The following KIF26B variants were observed in gnomAD, a reference collection of about 807,000 sequenced individuals.
KIF26B encodes the protein kinesin-like protein KIF26B.
In KIF26B, 63 loss-of-function variants were observed where a neutral mutation model predicts 151.2. The observed-to-expected ratio is 0.42, with a 90% confidence interval of 0.34 to 0.51. The LOEUF is 0.51. Ranked by LOEUF, KIF26B falls within the 20% of genes least tolerant of loss-of-function variation. The pLI is 0.07. For missense variants in KIF26B, 2,813 were observed against 2,913.6 expected (o/e 0.97, Z 0.79); for synonymous variants, 1,357 against 1,262.1 (o/e 1.08, Z -1.59).
chr1:245,501,905 C>T (rs1390155958), intron 4 of KIF26B, among the ~76,000 whole-genome samples: 1 of 152,172 alleles, frequency 6.6e-6, no homozygotes, highest in Non-Finnish European at 1.5e-5. Flanking sequence ...TACTGCACTG[C>T]CGCACATTCA....
intron 4 of KIF26B, among the ~76,000 whole-genome samples, chr1:245,453,284 A>G (rs1258917889): frequency 6.6e-6 from 1 of 152,226 alleles, no homozygotes; most frequent in African/African-American, 2.4e-5. Flanking sequence ...CATTATTAAG[A>G]GCCATACAGA....
intron 4 of KIF26B, among the ~76,000 whole-genome samples, chr1:245,539,603 G>A (rs1366725510): frequency 2.0e-5 from 3 of 152,110 alleles, no homozygotes; most frequent in Non-Finnish European, 2.9e-5. Context: ...GCCTCACACT[G>A]CCCCTTCCCC....
At chr1:245,438,134 C>G (rs1384734513) in intron 4 of KIF26B, among the ~76,000 whole-genome samples, 4 of 152,056 alleles carry the variant, frequency 2.6e-5, no homozygotes, top group Non-Finnish European at 5.9e-5. Context: ...AATAATACAC[C>G]CCAGCTGGTC....
chr1:245,394,211 C>T (rs1479435988), intron 3 of KIF26B, among the ~76,000 whole-genome samples: 4 of 152,170 alleles, frequency 2.6e-5, no homozygotes, highest in African/African-American at 7.2e-5. Flanking sequence ...TCTCTGTCGT[C>T]GTGAGTTTCT....
chr1:245,407,762 C>T (rs1458083345), intron 3 of KIF26B, among the ~76,000 whole-genome samples: 1 of 152,148 alleles, frequency 6.6e-6, no homozygotes. Context: ...TAGATAAATT[C>T]CATATCCAGA....
intron 10 of KIF26B, among the ~76,000 whole-genome samples, chr1:245,666,912 C>T (rs1318466255): frequency 2.0e-5 from 3 of 152,140 alleles, no homozygotes; most frequent in African/African-American, 7.2e-5. Flanking sequence ...TGGCCAGAGT[C>T]TTGGCCTCAA....
At chr1:245,504,671 C>T (rs74636476) in intron 4 of KIF26B, among the ~76,000 whole-genome samples, 30,700 of 151,596 alleles carry the variant, frequency 0.2, 3,238 homozygotes, top group Middle Eastern at 0.37. Flanking sequence ...GAACTCCTTG[C>T]CTCAAGAGTC....
rs1553289156 is a variant in KIF26B, at chr1:245,563,744, T to TTGTTTAGATTTAGATTAGATA, written c.1350+22808_1350+22809insTTAGATATGTTTAGATTTAGA. On this transcript the variant is annotated intron_variant, in intron 5 of 14. Coordinates refer to ENST00000407071, the MANE Select transcript of KIF26B (RefSeq NM_018012.4). This position sits in a 1 kb window ranked among gnomAD's most constrained non-coding sequence, Gnocchi z 4.6. ...TACACCTTTTCTATGTTTAGGTATG[T>TTGTTTAGATTTAGATTAGATA]TGTTTAGATTTAGAATATGTAACGC... is the stretch of plus-strand genomic sequence containing the variant. 3.0e-5 allele frequency among the ~76,000 whole-genome samples: 4 copies of TTGTTTAGATTTAGATTAGATA among 132,404 alleles called. No homozygotes were observed. The highest frequency in any genetic ancestry group is 4.5e-4 in the South Asian group (2 of 4,434). 86.9% of individuals were successfully genotyped at this position (132,404 alleles called of 152,430 possible).
intron 10 of KIF26B, among the ~76,000 whole-genome samples, chr1:245,668,933 C>T (rs193118891): frequency 2.6e-4 from 40 of 152,188 alleles, no homozygotes; most frequent in African/African-American, 4.8e-4. Flanking sequence ...TCAGGTGATC[C>T]GCCTGCCTCA....
At chr1:245,295,170 T>C (rs1293062267) in intron 2 of KIF26B, among the ~76,000 whole-genome samples, 1 of 152,060 alleles carries the variant, frequency 6.6e-6, no homozygotes. Context: ...GGAGAGAAAA[T>C]AACCCTTTTC....
chr1:245,595,792 G>C (rs2043331413), intron 5 of KIF26B, among the ~76,000 whole-genome samples: 1 of 146,452 alleles, frequency 6.8e-6, no homozygotes, highest in Non-Finnish European at 1.5e-5. Context: ...GTCTGGTCCT[G>C]GGCTTTTTTT....
intron 2 of KIF26B, among the ~76,000 whole-genome samples, chr1:245,249,272 A>G (rs925436763): frequency 7.3e-5 from 11 of 150,840 alleles, no homozygotes; most frequent in African/African-American, 2.4e-4. Flanking sequence ...AATTTTTTGT[A>G]TATTTTTTAG....
At chr1:245,442,525 A>G (rs1659131156) in intron 4 of KIF26B, among the ~76,000 whole-genome samples, 1 of 152,204 alleles carries the variant, frequency 6.6e-6, no homozygotes, top group South Asian at 2.1e-4. Flanking sequence ...GGAAAGGGAA[A>G]GAGACAAGCC....
intron 5 of KIF26B, among the ~76,000 whole-genome samples, chr1:245,600,484 C>T (rs1201064876): frequency 6.6e-6 from 1 of 151,634 alleles, no homozygotes; most frequent in East Asian, 2.0e-4. Flanking sequence ...TAGGTGTGCA[C>T]CATCACACCT....
intron 2 of KIF26B, among the ~76,000 whole-genome samples, chr1:245,174,731 G>A (rs972785043): frequency 3.9e-5 from 6 of 152,216 alleles, no homozygotes; most frequent in Middle Eastern, 3.4e-3. Flanking sequence ...GGCTCTGGAC[G>A]CTTGATGAGT....
At chr1:245,370,313 C>T (rs1001547248) in intron 3 of KIF26B, among the ~76,000 whole-genome samples, 3 of 151,956 alleles carry the variant, frequency 2.0e-5, no homozygotes, top group East Asian at 1.9e-4. Flanking sequence ...ATATTTTCCA[C>T]GCTATGGAGA....
At chr1:245,228,397 C>A (rs1038681176) in intron 2 of KIF26B, among the ~76,000 whole-genome samples, 2 of 152,058 alleles carry the variant, frequency 1.3e-5, no homozygotes, top group Admixed American at 6.5e-5. Context: ...GGAAATCCCA[C>A]CTCTACTAAA....
chr1:245,356,047 G>T (rs1204797590), intron 2 of KIF26B, among the ~76,000 whole-genome samples: 3 of 152,084 alleles, frequency 2.0e-5, no homozygotes, highest in Non-Finnish European at 2.9e-5. Flanking sequence ...TGATACAGGG[G>T]GTCTGAGAGG....
In KIF26B at chr1:245,667,613, T is replaced by C. The variant is rs759998796; in HGVS notation, c.2259-16620T>C. Among the ~76,000 whole-genome samples the C allele has an allele frequency of 1.3e-5, 2 of 152,186 alleles. No individual in the cohort carries two copies. Among genetic ancestry groups the C allele is most frequent in the African/African-American group, 2.4e-5 (1 of 41,458 alleles). ...CAGTAGATACTTATTTAAATACTTA[T>C]AGAAAGACGACTTTATGCCGGACAC... On this transcript the variant is annotated intron_variant, in intron 10 of 14. Coordinates refer to ENST00000407071, the MANE Select transcript of KIF26B (RefSeq NM_018012.4). The surrounding 1 kb of genome is among the most constrained non-coding windows in gnomAD (Gnocchi z 4.3).
Sources: allele counts gnomAD v4.1 joint callset (sites outside exome capture counted in the v4.1 genomes callset), GRCh38; gene constraint gnomAD v4.1.1; non-coding constraint Gnocchi (gnomAD v3.1); transcripts MANE v1.5; gene names NCBI Gene and HGNC (gene_info 2026-07-23, HGNC 2026-07-21).